The following COL23A1 variants were observed in gnomAD, a reference collection of about 807,000 sequenced individuals.
The protein encoded by COL23A1 is collagen type XXIII alpha 1 chain.
COL23A1 carries 97 observed loss-of-function variants against 99.3 expected under a neutral mutation model. The ratio of observed to expected loss-of-function variants is 0.98; its 90% CI spans 0.83 to 1.16. The LOEUF (loss-of-function observed/expected upper bound fraction) is 1.16. COL23A1 is among the 50% of genes most tolerant of loss of function. The probability of loss-of-function intolerance (pLI) is 0.00; values close to 1 mark genes in which losing one functional copy is unlikely to be tolerated. For synonymous variants in COL23A1, 320 were observed against 308.2 expected (o/e 1.04, Z -0.40); for missense variants, 762 against 757.4 (o/e 1.01, Z -0.07).
At chr5:178,422,113 G>A (rs771033763) in intron 2 of COL23A1, among the ~76,000 whole-genome samples, 1 of 152,148 alleles carries the variant, frequency 6.6e-6, no homozygotes, top group Admixed American at 6.5e-5. Context: ...GTATAAAAAC[G>A]TAGCTAATCC....
intron 2 of COL23A1, among the ~76,000 whole-genome samples, chr5:178,523,187 T>TATACATATATATATATATATACAC (rs1760074592): frequency 1.6e-5 from 1 of 63,280 alleles, no homozygotes; most frequent in African/African-American, 5.3e-5. Flanking sequence ...TACACATATA[T>TATACATATATATATATATATACAC]ATATATATAT....
chr5:178,242,371 C>G lies in COL23A1; in HGVS notation c.1464G>C (p.Glu488Asp). The G allele has an allele frequency of 6.2e-7, 1 of 1,614,154 alleles. No homozygotes were observed. The highest frequency in any genetic ancestry group is 8.5e-7 in the Non-Finnish European group (1 of 1,180,024). The part of the protein sequence containing the change: ...GLDGFPGPRG[E>D]KGDRSERGEK... ...CTCCACGCTCGCTCCGATCACCTTT[C>G]TCTCCTCGGGGTCCAGGGAAACCCT... The change falls in exon 26 of 29, where the codon GAG becomes GAC. Residue 488 changes from glutamate (E) to aspartate (D), a missense_variant. Transcript: ENST00000390654.
Position 178,417,472 on chromosome 5 carries a change from G to T in COL23A1, c.362-110553C>A, listed in dbSNP as rs116512038. Reference sequence around the variant, plus strand: ...CTGTGCTTCCGATCACTGCCCAAAGGGGGAAATCACGCCCGCAACATTCTG... The same window carrying T: ...CTGTGCTTCCGATCACTGCCCAAAGTGGGAAATCACGCCCGCAACATTCTG... On this transcript the variant is annotated intron_variant, in intron 2 of 28. Transcript: ENST00000390654. Among the ~76,000 whole-genome samples, 966 of 152,168 alleles carry T rather than the reference G, an allele frequency of 6.3e-3. 7 individuals are homozygous for T. Among genetic ancestry groups the T allele is most frequent in the African/African-American group, 0.022 (913 of 41,486 alleles).
chr5:178,256,157 A>G (rs1225398930), intron 15 of COL23A1, among the ~76,000 whole-genome samples, 196 bp downstream of exon 15: 1 of 152,188 alleles, frequency 6.6e-6, no homozygotes, highest in Non-Finnish European at 1.5e-5. Context: ...GTACCTCCAT[A>G]TTTGAACATT....
chr5:178,269,986 C>CT (rs1399984961), intron 6 of COL23A1, among the ~76,000 whole-genome samples: 1 of 152,244 alleles, frequency 6.6e-6, no homozygotes, highest in East Asian at 1.9e-4. Flanking sequence ...GTAGTGAGGA[C>CT]ACTGTGCCTG....
rs374060159 is a variant in COL23A1, at chr5:178,521,502, G to A, written c.361+39180C>T. Among the ~76,000 whole-genome samples the A allele has an allele frequency of 6.6e-4, 98 of 149,236 alleles. 1 individual carries two copies. In the East Asian group the frequency reaches 0.016, roughly 24 times the overall value. On this transcript the variant is annotated intron_variant, in intron 2 of 28. Coordinates refer to ENST00000390654, the MANE Select transcript of COL23A1 (RefSeq NM_173465.4). ...CAGCAGGCGGAGCTTGCAGTGAGCC[G>A]AGATGGCGCCATTGCACTCCAGCCT...
At chr5:178,352,504 T>C (rs1238849825) in intron 2 of COL23A1, among the ~76,000 whole-genome samples, 2 of 152,332 alleles carry the variant, frequency 1.3e-5, no homozygotes, top group Non-Finnish European at 1.5e-5. Context: ...GGAGCAACAG[T>C]TCATTGTAAA....
At chr5:178,580,969 C>G (rs1763631942) in intron 1 of COL23A1, among the ~76,000 whole-genome samples, 1 of 152,184 alleles carries the variant, frequency 6.6e-6, no homozygotes, top group African/African-American at 2.4e-5. Flanking sequence ...CATCACACCA[C>G]TGCACACCTG....
intron 2 of COL23A1, among the ~76,000 whole-genome samples, chr5:178,493,738 G>T (rs1479437104): frequency 1.3e-5 from 2 of 152,254 alleles, no homozygotes; most frequent in Non-Finnish European, 2.9e-5. Flanking sequence ...TACAGTGGCT[G>T]CACGCAAAAG....
chr5:178,400,366 CAAA>C (rs58417444), intron 2 of COL23A1, among the ~76,000 whole-genome samples: 2 of 62,832 alleles, frequency 3.2e-5, no homozygotes, highest in Non-Finnish European at 5.7e-5. Flanking sequence ...GACTCCGTCT[CAAA>C]AAAAAAAAAA....
chr5:178,504,182 C>T (rs772967440), intron 2 of COL23A1, among the ~76,000 whole-genome samples: 59 of 152,194 alleles, frequency 3.9e-4, no homozygotes, highest in Admixed American at 3.1e-3. Context: ...CCCACAATTT[C>T]CCATACAATC....
chr5:178,406,459 T>C (rs951536303), intron 2 of COL23A1, among the ~76,000 whole-genome samples: 1 of 149,796 alleles, frequency 6.7e-6, no homozygotes, highest in African/African-American at 2.5e-5. Flanking sequence ...AGACGGAGTC[T>C]CGCTCTGTCA....
At chr5:178,426,998 A>G (rs1013446679) in intron 2 of COL23A1, among the ~76,000 whole-genome samples, 1 of 152,178 alleles carries the variant, frequency 6.6e-6, no homozygotes, top group African/African-American at 2.4e-5. Context: ...GGAGTGCGAG[A>G]CCAGCCTGGC....
rs987913604 is a variant in COL23A1, at chr5:178,366,074, C to T, written c.362-59155G>A. ...CCCCCAGTGCCAGGTGATCATCTGC[C>T]GCTGTGTCCTCAGCATCTGGCCCAG... On this transcript the variant is annotated intron_variant, in intron 2 of 28. Coordinates refer to ENST00000390654, the MANE Select transcript of COL23A1 (RefSeq NM_173465.4). The surrounding 1 kb of genome is among the most constrained non-coding windows in gnomAD (Gnocchi z 4.4). 2.6e-5 allele frequency among the ~76,000 whole-genome samples: 4 copies of T among 152,164 alleles called. No homozygotes were observed. The highest frequency in any genetic ancestry group is 5.9e-5 in the Non-Finnish European group (4 of 68,020).
Position 178,589,163 on chromosome 5 carries a change from T to C in COL23A1, c.294+741A>G, listed in dbSNP as rs1245687218. Among the ~76,000 whole-genome samples, 1 of 152,142 alleles carries C rather than the reference T, an allele frequency of 6.6e-6. No homozygotes were observed. Among genetic ancestry groups the C allele is most frequent in the Non-Finnish European group, 1.5e-5 (1 of 68,038 alleles). On this transcript the variant is annotated intron_variant, in intron 1 of 28. Transcript: ENST00000390654. This position sits in a 1 kb window ranked among gnomAD's most constrained non-coding sequence, Gnocchi z 5.4. ...TAACCCTTAGAAGTGTCACAGAGCC[T>C]CATATGAGCTTTCAAGTAAGCTGTG...
rs918661212 is a variant in COL23A1, at chr5:178,542,828, C to A, written c.361+17854G>T. ...TCTGGGGTTCATTTAGGTTGGGCTG[C>A]CAGAGAATGGTGCTCCTATACTGCG... On this transcript the variant is annotated intron_variant, in intron 2 of 28. Coordinates refer to ENST00000390654, the MANE Select transcript of COL23A1 (RefSeq NM_173465.4). Among the ~76,000 whole-genome samples the A allele has an allele frequency of 7.2e-5, 11 of 152,102 alleles. 1 individual carries two copies. The highest frequency in any genetic ancestry group is 5.9e-5 in the Non-Finnish European group (4 of 68,014).
At chr5:178,502,156 G>A (rs551491892) in intron 2 of COL23A1, among the ~76,000 whole-genome samples, 1 of 152,266 alleles carries the variant, frequency 6.6e-6, no homozygotes, top group East Asian at 1.9e-4. Context: ...TCTTGAGATG[G>A]AGTCTCGCTC....
rs1758375588 is a variant in COL23A1, at chr5:178,306,700, A to G, written c.406+175T>C. ...TGCCAAGAAGCCCCGGAAAGGCAGT[A>G]CTGGGTGCTGCGGCCTCAGGAAACG... On this transcript the variant is annotated intron_variant, in intron 3 of 28. Coordinates refer to ENST00000390654, the MANE Select transcript of COL23A1 (RefSeq NM_173465.4). This position sits in a 1 kb window ranked among gnomAD's most constrained non-coding sequence, Gnocchi z 4.1. Among the ~76,000 whole-genome samples the G allele has an allele frequency of 6.6e-6, 1 of 152,008 alleles. No homozygotes were observed. Among genetic ancestry groups the G allele is most frequent in the African/African-American group, 2.4e-5 (1 of 41,374 alleles).
chr5:178,374,524 C>CT (rs1374197917), intron 2 of COL23A1, among the ~76,000 whole-genome samples: 2 of 152,212 alleles, frequency 1.3e-5, no homozygotes, highest in African/African-American at 4.8e-5. Context: ...TGCATTCCAG[C>CT]TCTGCCACCT....
Sources: allele counts gnomAD v4.1 joint callset (sites outside exome capture counted in the v4.1 genomes callset), GRCh38; gene constraint gnomAD v4.1.1; non-coding constraint Gnocchi (gnomAD v3.1); transcripts MANE v1.5; gene names NCBI Gene and HGNC (gene_info 2026-07-23, HGNC 2026-07-21).